Variants in CGGBP1 observed in about 807,000 individuals in gnomAD.
CGGBP1 encodes the protein CGG triplet repeat binding protein 1, also known as CGG triplet repeat-binding protein 1.
CGGBP1 carries 4 observed loss-of-function variants against 11.4 expected under a neutral mutation model. The observed-to-expected ratio is 0.35, with a 90% confidence interval of 0.17 to 0.80. CGGBP1 has a LOEUF of 0.80. Among genes scored for constraint, CGGBP1 ranks in the 30% least tolerant of loss-of-function variants. The pLI is 0.52. For missense variants in CGGBP1, 135 were observed against 202.1 expected (o/e 0.67, Z 2.01); for synonymous variants, 76 against 74.1 (o/e 1.03, Z -0.13).
rs1344880767 is a variant in CGGBP1, at chr3:88,144,504, C to T, written c.-337-3426G>A. On this transcript the variant is annotated intron_variant, in intron 1 of 3. Coordinates refer to the CGGBP1 transcript ENST00000462901. ...GATTCAGCAAGAAAGGAAATTTGTG[C>T]TTCCTTGTTGAATGTTAAATTATTT... The T allele has an allele frequency of 2.0e-5, 3 of 152,348 alleles. No individual in the cohort carries two copies. In the East Asian group the frequency reaches 5.8e-4, roughly 29 times the overall value. The allele number at this position is 152,348 out of a possible 1,614,324, so 9.4% of individuals were successfully genotyped here.
At chr3:88,141,078 T>C in exon 2 of CGGBP1, 2 of 1,541,598 alleles carry the variant, frequency 1.3e-6, no homozygotes, top group African/African-American at 1.4e-5. Flanking sequence ...AGTAGAGGTA[T>C]CTGTAGAAAG....
At chr3:88,141,793 AT>A in intron 1 of CGGBP1, 1 of 555,476 alleles carries the variant, frequency 1.8e-6, no homozygotes, top group Non-Finnish European at 2.9e-6. Context: ...GACAAAGCAC[AT>A]TTTCTAGAAT....
rs1269731928 is a variant in CGGBP1, at chr3:88,053,531, T to C, written c.*1942A>G. On this transcript the variant is annotated 3_prime_UTR_variant, in exon 4 of 4. Coordinates refer to ENST00000482016, the MANE Select transcript of CGGBP1 (RefSeq NM_001008390.2). Reference sequence around the variant, plus strand: ...TCTAATGCAACATCATCCAGTTTACTGCTTAGGACCACTCTCAAAGCTGAT... The same window carrying C: ...TCTAATGCAACATCATCCAGTTTACCGCTTAGGACCACTCTCAAAGCTGAT... The C allele has an allele frequency of 6.6e-6, 1 of 152,238 alleles. No homozygotes were observed. Among genetic ancestry groups the C allele is most frequent in the Admixed American group, 6.5e-5 (1 of 15,282 alleles). 9.4% of individuals were successfully genotyped at this position (152,238 alleles called of 1,614,324 possible). A position where few individuals can be genotyped will look rare whatever the true frequency, so the allele number is the denominator to read the frequency against.
At chr3:88,087,928 G>A (rs746665144) in intron 2 of CGGBP1, among the ~76,000 whole-genome samples, 4 of 152,070 alleles carry the variant, frequency 2.6e-5, no homozygotes, top group Admixed American at 6.6e-5. Context: ...GAGTGCTAAC[G>A]TGATACTCAA....
intron 2 of CGGBP1, among the ~76,000 whole-genome samples, chr3:88,120,546 G>C (rs1705704399): frequency 6.6e-6 from 1 of 152,070 alleles, no homozygotes; most frequent in Non-Finnish European, 1.5e-5. Context: ...GAAGAAAATT[G>C]ACATGATAAT....
At chr3:88,145,222 AAC>A (rs1707289071) in intron 1 of CGGBP1, among the ~76,000 whole-genome samples, 1 of 152,136 alleles carries the variant, frequency 6.6e-6, no homozygotes, top group Non-Finnish European at 1.5e-5. Flanking sequence ...TTCGTTCACT[AAC>A]AAAGGAAAAC....
chr3:88,096,680 C>G (rs7615309), intron 2 of CGGBP1, among the ~76,000 whole-genome samples: 143,149 of 152,168 alleles, frequency 0.94, 67,856 homozygotes, highest in Non-Finnish European at 1. Flanking sequence ...ACCCTTTTAG[C>G]GGCTTGCTTT....
At chr3:88,121,113 CCAAA>C (rs63507863) in intron 2 of CGGBP1, among the ~76,000 whole-genome samples, 3,735 of 151,996 alleles carry the variant, frequency 0.025, 80 homozygotes, top group Non-Finnish European at 0.035. Context: ...AATAATAAAT[CCAAA>C]CAAAGATGAG....
intron 2 of CGGBP1, among the ~76,000 whole-genome samples, chr3:88,109,462 C>T (rs1160294143): frequency 6.6e-6 from 1 of 152,012 alleles, no homozygotes; most frequent in Non-Finnish European, 1.5e-5. Flanking sequence ...TTTTCCTTTA[C>T]TTAAATTGGT....
chr3:88,087,191 G>A (rs189132277), intron 2 of CGGBP1, among the ~76,000 whole-genome samples: 2 of 152,234 alleles, frequency 1.3e-5, no homozygotes, highest in Admixed American at 1.3e-4. Context: ...TGATTCTCAT[G>A]CCTCAGCCCC....
At chr3:88,077,664 G>A (rs972683513) in intron 2 of CGGBP1, among the ~76,000 whole-genome samples, 1 of 145,058 alleles carries the variant, frequency 6.9e-6, no homozygotes, top group African/African-American at 2.5e-5. Context: ...TAACACATAG[G>A]AAAGATAAAT....
At chr3:88,109,120 C>A (rs1399550935) in intron 2 of CGGBP1, among the ~76,000 whole-genome samples, 2 of 146,794 alleles carry the variant, frequency 1.4e-5, no homozygotes, top group African/African-American at 5.0e-5. Flanking sequence ...GGTAATGTAT[C>A]CCCTGTGGAT....
chr3:88,145,029 G>A (rs769850795), intron 1 of CGGBP1, among the ~76,000 whole-genome samples: 2 of 151,208 alleles, frequency 1.3e-5, no homozygotes, highest in Non-Finnish European at 3.0e-5. Context: ...GTCTACACTG[G>A]TAATTCTTCA....
chr3:88,072,939 T>C (rs954689751), intron 2 of CGGBP1, among the ~76,000 whole-genome samples: 7 of 151,080 alleles, frequency 4.6e-5, no homozygotes, highest in African/African-American at 1.7e-4. Context: ...TTTTAATGGA[T>C]GAAATAGGAT....
chr3:88,112,290 T>TA (rs11391605), intron 2 of CGGBP1, among the ~76,000 whole-genome samples: 118,425 of 151,432 alleles, frequency 0.78, 47,220 homozygotes, highest in South Asian at 0.91. Context: ...CAAAAACTAT[T>TA]AAAAAAACAA....
At chr3:88,101,399 C>A (rs573841689) in intron 2 of CGGBP1, among the ~76,000 whole-genome samples, 1 of 152,178 alleles carries the variant, frequency 6.6e-6, no homozygotes, top group East Asian at 1.9e-4. Context: ...GATACTTTCA[C>A]TTAGAGCAAG....
intron 1 of CGGBP1, chr3:88,143,788 A>C (rs993866751): frequency 6.6e-6 from 1 of 152,002 alleles, no homozygotes; most frequent in African/African-American, 2.4e-5. Flanking sequence ...AAATCAAGGA[A>C]TGTTTTATAA....
At chr3:88,142,760 G>A (rs1397399425) in intron 1 of CGGBP1, 1 of 152,230 alleles carries the variant, frequency 6.6e-6, no homozygotes, top group Non-Finnish European at 1.5e-5. Context: ...GGTCTGAACA[G>A]TAATTTTTAT....
chr3:88,081,494 T>G (rs368895309), intron 2 of CGGBP1, among the ~76,000 whole-genome samples: 2 of 152,340 alleles, frequency 1.3e-5, no homozygotes, highest in Admixed American at 6.5e-5. Flanking sequence ...TCTGTTTGTC[T>G]TTTTCCTTCT....
Sources: allele counts gnomAD v4.1 joint callset (sites outside exome capture counted in the v4.1 genomes callset), GRCh38; gene constraint gnomAD v4.1.1; transcripts MANE v1.5; gene names NCBI Gene and HGNC (gene_info 2026-07-23, HGNC 2026-07-21).